Variants in CAMK2A observed in about 807,000 individuals in gnomAD.
CAMK2A encodes calcium/calmodulin dependent protein kinase II alpha, also known as calcium/calmodulin-dependent protein kinase type II subunit alpha.
A neutral mutation model predicts 79.2 loss-of-function variants in CAMK2A; 7 were observed. The observed-to-expected ratio is 0.09, with a 90% CI of 0.05 to 0.17. The LOEUF is 0.17. CAMK2A is among the 10% of genes least tolerant of loss of function. The pLI is 1.00. For synonymous variants in CAMK2A, 242 were observed against 251.7 expected, an observed-to-expected ratio of 0.96 and a Z score of 0.36; for missense variants, 214 against 646.4, an observed-to-expected ratio of 0.33 and a Z score of 7.25.
intron 16 of CAMK2A, among the ~76,000 whole-genome samples, chr5:150,229,980 G>C (rs1472608546): frequency 6.6e-6 from 1 of 152,128 alleles, no homozygotes; most frequent in African/African-American, 2.4e-5. Context: ...CTTCTAGGGG[G>C]CTTTGCCACC....
At chr5:150,285,354 G>A (rs1238666612) in intron 1 of CAMK2A, among the ~76,000 whole-genome samples, 3 of 152,228 alleles carry the variant, frequency 2.0e-5, no homozygotes, top group Non-Finnish European at 4.4e-5. Flanking sequence ...CTGTGGATAG[G>A]AGAGGGTATA....
rs1363283126 is a variant in CAMK2A, at chr5:150,222,702, C to T, written c.*8G>A. ...GGCACAGCAACGCAGCGACCCCAGC[C>T]TGGTCCCTCAGCTGTAAGACACACA... On this transcript the variant is annotated 3_prime_UTR_variant, in exon 19 of 19. Transcript: ENST00000671881. The T allele has an allele frequency of 6.2e-7, 1 of 1,614,108 alleles. No homozygotes were observed. Among genetic ancestry groups the T allele is most frequent in the South Asian group, 1.1e-5 (1 of 91,084 alleles).
chr5:150,228,631 T>C (rs150199029), intron 16 of CAMK2A, among the ~76,000 whole-genome samples: 1 of 152,234 alleles, frequency 6.6e-6, no homozygotes, highest in East Asian at 1.9e-4. Context: ...TGCTCTCTAC[T>C]CTCCAAATTG....
At chr5:150,245,396 C>G in intron 12 of CAMK2A, 195 bp from the exon 13 acceptor site, 1 of 607,320 alleles carries the variant, frequency 1.6e-6, no homozygotes, top group Non-Finnish European at 2.9e-6. Flanking sequence ...GGCCCAGGGA[C>G]TGCCTGGGTT....
At chr5:150,266,820 A>G (rs1334015186) in intron 2 of CAMK2A, among the ~76,000 whole-genome samples, 1 of 152,150 alleles carries the variant, frequency 6.6e-6, no homozygotes. Context: ...AGCCAACACT[A>G]GAACCCTGGC....
intron 4 of CAMK2A, among the ~76,000 whole-genome samples, chr5:150,257,289 A>T (rs948275437): frequency 3.9e-5 from 6 of 152,242 alleles, no homozygotes; most frequent in African/African-American, 1.4e-4. Context: ...AATTAAACAT[A>T]TTCCAGAAGG....
At position 150,251,994 on chromosome 5, in the gene CAMK2A, G is replaced by A; in HGVS notation, c.586C>T (p.Leu196=). The change falls in exon 8 of 19, where the codon CTG becomes TTG. Residue 196 remains leucine (L), a synonymous_variant. Coordinates refer to ENST00000671881, the MANE Select transcript of CAMK2A (RefSeq NM_015981.4). ...RKDPYGKPVD[L]WACGVILYIL... ...AGGATGAACTCACCACAAGCCCACA[G>A]GTCCACAGGCTTCCCGTACGGGTCC... 6.2e-7 allele frequency: 1 copy of A among 1,613,874 alleles called. No individual in the cohort carries two copies. The highest frequency in any genetic ancestry group is 8.5e-7 in the Non-Finnish European group (1 of 1,179,804).
At chr5:150,285,784 T>C (rs1184508145) in intron 1 of CAMK2A, among the ~76,000 whole-genome samples, 1 of 152,132 alleles carries the variant, frequency 6.6e-6, no homozygotes, top group East Asian at 1.9e-4. Context: ...TCTCTCCCTC[T>C]CTCAAGTAAA....
At chr5:150,272,829 G>A (rs372149573) in intron 2 of CAMK2A, among the ~76,000 whole-genome samples, 13 of 151,942 alleles carry the variant, frequency 8.6e-5, no homozygotes, top group East Asian at 5.8e-4. Flanking sequence ...GCCCTCACCC[G>A]TGAGGCACAG....
At position 150,231,291 on chromosome 5, in the gene CAMK2A, C is replaced by T; in HGVS notation, c.1142+14G>A. 1 of 1,533,256 alleles carries T rather than the reference C, an allele frequency of 6.5e-7. No homozygotes were observed. Among genetic ancestry groups the T allele is most frequent in the Non-Finnish European group, 8.9e-7 (1 of 1,125,202 alleles). The allele number at this position is 1,533,256 out of a possible 1,614,324, so 95.0% of individuals were successfully genotyped here. ...ATCCAGGCAGGACATGCAGAATGAG[C>T]CCAGCTGACTCACGTGTAGGACTCA... On this transcript the variant is annotated intron_variant, in intron 16 of 18. Coordinates refer to ENST00000671881, the MANE Select transcript of CAMK2A (RefSeq NM_015981.4).
chr5:150,251,957 C>T, intron 8 of CAMK2A, 25 bp downstream of exon 8: 1 of 1,608,734 alleles, frequency 6.2e-7, no homozygotes, highest in South Asian at 1.1e-5. Flanking sequence ...GCCAGGGGCA[C>T]AAAAGGGCCT....
At chr5:150,276,893 T>G (rs1756971024) in intron 1 of CAMK2A, among the ~76,000 whole-genome samples, 1 of 152,132 alleles carries the variant, frequency 6.6e-6, no homozygotes, top group Non-Finnish European at 1.5e-5. Flanking sequence ...AGATCAGTGA[T>G]TATCAAATTG....
intron 12 of CAMK2A, among the ~76,000 whole-genome samples, chr5:150,247,479 A>G (rs917986135): frequency 6.6e-6 from 1 of 152,212 alleles, no homozygotes; most frequent in African/African-American, 2.4e-5. Flanking sequence ...CCCTGCAATC[A>G]GAAGCCTTCC....
intron 2 of CAMK2A, among the ~76,000 whole-genome samples, chr5:150,272,525 T>C (rs112300282): frequency 6.8e-6 from 1 of 147,072 alleles, no homozygotes; most frequent in East Asian, 2.0e-4. Flanking sequence ...TGAGCCAAGA[T>C]CGCACCATTG....
Position 150,221,116 on chromosome 5 carries a change from C to T in CAMK2A, c.*1594G>A, listed in dbSNP as rs1754284629. On this transcript the variant is annotated 3_prime_UTR_variant, in exon 19 of 19. Transcript: ENST00000671881. ...TCCGAGTCGGACACTGAGAATACAA[C>T]CTCTATTTTTTTTTTTAGTCCAAAA... 4.5e-6 allele frequency: 1 copy of T among 221,108 alleles called. No individual in the cohort carries two copies. The highest frequency in any genetic ancestry group is 2.3e-5 in the African/African-American group (1 of 44,090). The allele number at this position is 221,108 out of a possible 1,614,324, so 13.7% of individuals were successfully genotyped here.
chr5:150,269,951 C>T (rs2150299261), intron 2 of CAMK2A, among the ~76,000 whole-genome samples: 1 of 152,272 alleles, frequency 6.6e-6, no homozygotes. Context: ...CGAGACTTGT[C>T]ACTGGGGAGC....
chr5:150,233,809 G>GT (rs1430040585), intron 15 of CAMK2A, among the ~76,000 whole-genome samples: 1 of 151,954 alleles, frequency 6.6e-6, no homozygotes, highest in African/African-American at 2.4e-5. Flanking sequence ...TTGTTTGTTT[G>GT]TTTTTTGTTT....
At position 150,255,828 on chromosome 5, in the gene CAMK2A, T is replaced by C. The variant is rs1051264791; in HGVS notation, c.411+745A>G. On this transcript the variant is annotated intron_variant, in intron 6 of 18. Transcript: ENST00000671881. ...AAGGCCAGAATTCCCCCGCCCTAGC[T>C]AAGGACAATTGAACTGCATGTTCTT... Among the ~76,000 whole-genome samples the C allele has an allele frequency of 2.0e-5, 3 of 152,212 alleles. No homozygotes were observed. In the East Asian group the frequency reaches 5.8e-4, roughly 29 times the overall value.
chr5:150,237,356 T>C (rs893255623), intron 15 of CAMK2A, among the ~76,000 whole-genome samples: 1 of 107,288 alleles, frequency 9.3e-6, no homozygotes, highest in African/African-American at 2.9e-5. Flanking sequence ...GGCCTTTTTT[T>C]ATATTTCAGA....
Sources: gnomAD v4.1 joint callset for allele counts (sites outside exome capture counted in the v4.1 genomes callset) on GRCh38, gnomAD v4.1.1 for gene constraint, MANE v1.5 for transcripts, NCBI Gene and HGNC (gene_info 2026-07-23, HGNC 2026-07-21) for gene names.